Variants in MGME1 observed in about 807,000 individuals in gnomAD.
The protein encoded by MGME1 is chromosome 20 open reading frame 72.
In MGME1, 22 loss-of-function variants were observed where a neutral mutation model predicts 33.0. The observed-to-expected ratio is 0.67, with a 90% CI of 0.48 to 0.95. MGME1 has a LOEUF of 0.95. Ranked by LOEUF, MGME1 falls within the 40% of genes least tolerant of loss-of-function variation. The pLI is 0.00. For missense variants in MGME1, 383 were observed against 397.8 expected (o/e 0.96, Z 0.32); for synonymous variants, 133 against 144.0 (o/e 0.92, Z 0.55).
intron 2 of MGME1, among the ~76,000 whole-genome samples, chr20:17,974,116 G>A (rs533455719): frequency 1.4e-5 from 2 of 139,584 alleles, no homozygotes; most frequent in South Asian, 2.3e-4. Flanking sequence ...CCAGGCTGGA[G>A]TGCAGTGGCA....
intron 4 of MGME1, among the ~76,000 whole-genome samples, chr20:17,989,496 C>CT (rs2036238184): frequency 6.6e-6 from 1 of 152,052 alleles, no homozygotes; most frequent in South Asian, 2.1e-4. Flanking sequence ...GGGCAGATTG[C>CT]TTGAGCCCAG....
At chr20:17,973,098 A>T (rs545170496) in intron 2 of MGME1, among the ~76,000 whole-genome samples, 3 of 152,246 alleles carry the variant, frequency 2.0e-5, no homozygotes, top group South Asian at 2.1e-4. Context: ...TAATCCTAGC[A>T]CTTTGGGAGG....
At position 17,970,138 on chromosome 20, in the gene MGME1, C is replaced by A; in HGVS notation, c.279C>A (p.Asp93Glu). The change falls in exon 2 of 5, where the codon GAC becomes GAA. Residue 93 changes from aspartate (D) to glutamate (E), a missense_variant. By Grantham distance (45) the Asp-to-Glu change is conservative. Transcript: ENST00000377710. ...SKHKLPNQGE[D>E]RRVPQNWFPI... ...ATAAGCTGCCAAACCAAGGTGAGGA[C>A]AGACGAGTGCCACAAAACTGGTTTC... The A allele has an allele frequency of 6.2e-7, 1 of 1,614,224 alleles. No homozygotes were observed. Among genetic ancestry groups the A allele is most frequent in the Non-Finnish European group, 8.5e-7 (1 of 1,180,050 alleles).
At position 17,991,111 on chromosome 20, in the gene MGME1, A is replaced by G. The variant is rs756448187; in HGVS notation, c.*1002A>G. ...TTTCATAAGAAATAAAATACAAGAT[A>G]TGAGTAATGAAGCTTTGGTTTTGTT... On this transcript the variant is annotated 3_prime_UTR_variant, in exon 5 of 5. Coordinates refer to ENST00000377710, the MANE Select transcript of MGME1 (RefSeq NM_052865.4). 1 of 152,208 alleles carries G rather than the reference A, an allele frequency of 6.6e-6. No homozygotes were observed. The highest frequency in any genetic ancestry group is 1.5e-5 in the Non-Finnish European group (1 of 68,036). 9.4% of individuals were successfully genotyped at this position (152,208 alleles called of 1,614,324 possible).
intron 3 of MGME1, among the ~76,000 whole-genome samples, chr20:17,984,218 A>G (rs1161397078): frequency 6.6e-6 from 1 of 152,150 alleles, no homozygotes; most frequent in African/African-American, 2.4e-5. Flanking sequence ...CTGTAAATTC[A>G]TGGTTTTGTT....
chr20:17,985,190 A>C (rs1362737264), intron 3 of MGME1, among the ~76,000 whole-genome samples: 2 of 152,176 alleles, frequency 1.3e-5, no homozygotes, highest in African/African-American at 2.4e-5. Flanking sequence ...TTGGGAGGCC[A>C]AGGTGGGTGG....
At chr20:17,977,957 C>T (rs1417941531) in intron 3 of MGME1, among the ~76,000 whole-genome samples, 1 of 152,172 alleles carries the variant, frequency 6.6e-6, no homozygotes, top group Non-Finnish European at 1.5e-5. Context: ...TAGAAAAATC[C>T]GTTCATGTAA....
At chr20:17,974,598 T>C (rs757370080) in intron 2 of MGME1, among the ~76,000 whole-genome samples, 2 of 152,140 alleles carry the variant, frequency 1.3e-5, no homozygotes, top group Non-Finnish European at 2.9e-5. Context: ...CCTAATGAAA[T>C]TTCTCTAGTA....
At position 17,990,449 on chromosome 20, in the gene MGME1, C is replaced by G; in HGVS notation, c.*340C>G. 2.6e-6 allele frequency: 1 copy of G among 388,080 alleles called. No homozygotes were observed. The highest frequency in any genetic ancestry group is 4.9e-5 in the East Asian group (1 of 20,338). 24.0% of individuals were successfully genotyped at this position (388,080 alleles called of 1,614,324 possible). A position where few individuals can be genotyped will look rare whatever the true frequency, so the allele number is the denominator to read the frequency against. On this transcript the variant is annotated 3_prime_UTR_variant, in exon 5 of 5. Transcript: ENST00000377710. ...CGTGGTCCCAGGCAGGATGCCCAGT[C>G]TTTGAGCTGAGATTGGAAGGCAGTG...
rs1206272384 is a variant in MGME1 at position 17,991,005 on chromosome 20, T to C, written c.*896T>C. On this transcript the variant is annotated 3_prime_UTR_variant, in exon 5 of 5. Transcript: ENST00000377710. ...CCCTGGGGAAGGGTTTTCTGTCTTA[T>C]GGAGTGAGTCTTAGCATTTAAGTTA... The C allele has an allele frequency of 1.3e-5, 2 of 152,210 alleles. No homozygotes were observed. Among genetic ancestry groups the C allele is most frequent in the East Asian group, 1.9e-4 (1 of 5,192 alleles). 9.4% of individuals were successfully genotyped at this position (152,210 alleles called of 1,614,324 possible).
At chr20:17,985,134 A>G (rs2036124885) in intron 3 of MGME1, among the ~76,000 whole-genome samples, 1 of 152,142 alleles carries the variant, frequency 6.6e-6, no homozygotes, top group African/African-American at 2.4e-5. Flanking sequence ...TCAATAAATT[A>G]AAGAAGTGGC....
intron 3 of MGME1, among the ~76,000 whole-genome samples, chr20:17,979,828 C>G (rs2035962876): frequency 6.6e-6 from 1 of 152,066 alleles, no homozygotes; most frequent in South Asian, 2.1e-4. Context: ...ACTCCCCAGG[C>G]TCAGGCTGTC....
At chr20:17,971,169 T>A (rs2035719291) in intron 2 of MGME1, among the ~76,000 whole-genome samples, 1 of 152,250 alleles carries the variant, frequency 6.6e-6, no homozygotes, top group African/African-American at 2.4e-5. Flanking sequence ...GGGCTTCTAT[T>A]TAAGTCGTCT....
chr20:17,986,446 G>A, intron 3 of MGME1, among the ~76,000 whole-genome samples: 1 of 151,076 alleles, frequency 6.6e-6, no homozygotes, highest in East Asian at 2.0e-4. Context: ...TGCAATCTCG[G>A]CTCACTGCAA....
At chr20:17,988,652 C>CAAA (rs1239119788) in intron 4 of MGME1, among the ~76,000 whole-genome samples, 12 of 66,148 alleles carry the variant, frequency 1.8e-4, no homozygotes, top group African/African-American at 2.9e-4. Flanking sequence ...GAATCTGTCT[C>CAAA]AAAAAAAAAA....
intron 3 of MGME1, among the ~76,000 whole-genome samples, chr20:17,979,899 T>C (rs182690047): frequency 3.3e-4 from 50 of 152,104 alleles, no homozygotes; most frequent in Middle Eastern, 6.8e-3. Flanking sequence ...ACCCAACTAA[T>C]TTTTCTATTT....
chr20:17,981,648 CG>C (rs1405881662), intron 3 of MGME1, among the ~76,000 whole-genome samples: 7 of 139,694 alleles, frequency 5.0e-5, no homozygotes, highest in Non-Finnish European at 1.1e-4. Flanking sequence ...ATCTACTACT[CG>C]TGTGTGTGTG....
intron 1 of MGME1, 118 bp from the exon 2 acceptor site, chr20:17,969,683 C>T (rs973358992): frequency 4.9e-6 from 3 of 616,010 alleles, no homozygotes; most frequent in Non-Finnish European, 8.0e-6. Flanking sequence ...CAGGGTCTCG[C>T]TCTGTCGACT....
At chr20:17,977,389 A>T (rs901916858) in intron 3 of MGME1, among the ~76,000 whole-genome samples, 1 of 151,714 alleles carries the variant, frequency 6.6e-6, no homozygotes, top group Non-Finnish European at 1.5e-5. Flanking sequence ...AAAAAAAAAT[A>T]AAAGAAAGAA....
Sources: gnomAD v4.1 joint callset for allele counts (sites outside exome capture counted in the v4.1 genomes callset) on GRCh38, gnomAD v4.1.1 for gene constraint, MANE v1.5 for transcripts, NCBI Gene and HGNC (gene_info 2026-07-23, HGNC 2026-07-21) for gene names.